ADAM29: variants seen among roughly 807,000 people sequenced by gnomAD.
The protein encoded by ADAM29 is ADAM metallopeptidase domain 29, also known as disintegrin and metalloproteinase domain-containing protein 29.
For missense variants in ADAM29, 969 were observed against 1,001.8 expected (o/e 0.97, Z 0.44); for synonymous variants, 367 against 342.3 (o/e 1.07, Z -0.80).
chr4:174,922,603 C>T (rs1743228377), intron 2 of ADAM29, among the ~76,000 whole-genome samples: 1 of 152,084 alleles, frequency 6.6e-6, no homozygotes. Flanking sequence ...AGGAACCCCA[C>T]CAACTTATCA....
At chr4:174,969,790 TA>T (rs1162851150) in intron 4 of ADAM29, among the ~76,000 whole-genome samples, 5 of 152,076 alleles carry the variant, frequency 3.3e-5, no homozygotes, top group African/African-American at 4.8e-5. Flanking sequence ...GAAATATCAT[TA>T]ATTTATTTAC....
chr4:174,958,043 T>A (rs868473789), intron 4 of ADAM29, among the ~76,000 whole-genome samples: 5 of 151,786 alleles, frequency 3.3e-5, no homozygotes, highest in African/African-American at 1.2e-4. Flanking sequence ...TTTGTATGAT[T>A]TAGATTCTTT....
At chr4:174,962,869 G>A (rs1178036357) in intron 4 of ADAM29, among the ~76,000 whole-genome samples, 1 of 152,154 alleles carries the variant, frequency 6.6e-6, no homozygotes, top group Non-Finnish European at 1.5e-5. Flanking sequence ...GCAATTTAGT[G>A]TTGATAATTG....
intron 4 of ADAM29, among the ~76,000 whole-genome samples, chr4:174,960,988 T>C (rs570690422): frequency 6.4e-4 from 97 of 152,296 alleles, no homozygotes; most frequent in African/African-American, 2.3e-3. Flanking sequence ...GTAGTAACTT[T>C]ACGTTAACTG....
intron 4 of ADAM29, among the ~76,000 whole-genome samples, chr4:174,971,471 G>T (rs1248911581): frequency 6.6e-6 from 1 of 152,016 alleles, no homozygotes; most frequent in Non-Finnish European, 1.5e-5. Context: ...ACTATTAAAG[G>T]CCAGGTATAG....
chr4:174,962,506 C>T (rs551234029), intron 4 of ADAM29, among the ~76,000 whole-genome samples: 204 of 140,396 alleles, frequency 1.5e-3, no homozygotes, highest in African/African-American at 5.2e-3. Flanking sequence ...AGCGAGACTC[C>T]GTCACAAAAA....
chr4:174,971,922 AATG>A (rs1294873639), intron 4 of ADAM29, among the ~76,000 whole-genome samples: 1 of 152,280 alleles, frequency 6.6e-6, no homozygotes, highest in East Asian at 1.9e-4. Context: ...AATCATTTCC[AATG>A]ATATGTTTTC....
At chr4:174,959,930 A>G (rs1374833328) in intron 4 of ADAM29, among the ~76,000 whole-genome samples, 2 of 152,010 alleles carry the variant, frequency 1.3e-5, no homozygotes, top group East Asian at 3.8e-4. Context: ...TATAGAATTC[A>G]GTGTGAAAAC....
intron 4 of ADAM29, among the ~76,000 whole-genome samples, chr4:174,943,165 T>C (rs1478582159): frequency 2.0e-5 from 3 of 152,164 alleles, no homozygotes; most frequent in Non-Finnish European, 4.4e-5. Context: ...ATACCACTAT[T>C]AGCATGTTGA....
chr4:174,974,454 A>G (rs1338194314), intron 4 of ADAM29, among the ~76,000 whole-genome samples: 2 of 152,166 alleles, frequency 1.3e-5, no homozygotes, highest in Non-Finnish European at 2.9e-5. Context: ...CTCTATGTCC[A>G]TGAGTTTTCA....
At chr4:174,927,259 A>G (rs1279488650) in intron 2 of ADAM29, among the ~76,000 whole-genome samples, 1 of 152,206 alleles carries the variant, frequency 6.6e-6, no homozygotes, top group Non-Finnish European at 1.5e-5. Context: ...CTAAAAACTT[A>G]TGTTTACGCA....
intron 4 of ADAM29, among the ~76,000 whole-genome samples, chr4:174,940,769 C>A (rs545639463): frequency 6.6e-6 from 1 of 152,014 alleles, no homozygotes; most frequent in African/African-American, 2.4e-5. Flanking sequence ...ACATTTTCAG[C>A]ATGGTCATGA....
intron 4 of ADAM29, among the ~76,000 whole-genome samples, chr4:174,944,434 A>C: frequency 6.6e-6 from 1 of 152,106 alleles, no homozygotes; most frequent in Non-Finnish European, 1.5e-5. Flanking sequence ...GCATGGGTGG[A>C]ATATTATATT....
At chr4:174,924,599 A>C (rs1243846744) in intron 2 of ADAM29, among the ~76,000 whole-genome samples, 1 of 152,246 alleles carries the variant, frequency 6.6e-6, no homozygotes, top group East Asian at 1.9e-4. Flanking sequence ...AAACTACGAC[A>C]TATCAATACA....
chr4:174,948,177 C>T (rs1477696689), intron 4 of ADAM29, among the ~76,000 whole-genome samples: 1 of 152,128 alleles, frequency 6.6e-6, no homozygotes, highest in Non-Finnish European at 1.5e-5. Flanking sequence ...GCCATTTCAG[C>T]TTGGTTAAGA....
rs779441910 is a variant in ADAM29 at position 174,975,592 on chromosome 4, G to A, written c.67G>A (p.Glu23Lys). Residue 23 changes from glutamate (E) to lysine (K), a missense_variant, in exon 5 of 5, where the codon GAG becomes AAG. Physicochemically the swap from Glu to Lys is moderately conservative, Grantham distance 56. Transcript: ENST00000359240. ...GTCCTGTTCTGGACACATCCAGGAT[G>A]AGCACCCCCAATATCACAGCCCTCC... ...FLSCSGHIQD[E>K]HPQYHSPPDV... The A allele has an allele frequency of 6.3e-6, 10 of 1,596,266 alleles. No individual in the cohort carries two copies. Among genetic ancestry groups the A allele is most frequent in the South Asian group, 2.3e-5 (2 of 87,496 alleles).
At chr4:174,972,693 G>C (rs1482806773) in intron 4 of ADAM29, among the ~76,000 whole-genome samples, 1 of 152,122 alleles carries the variant, frequency 6.6e-6, no homozygotes, top group Non-Finnish European at 1.5e-5. Flanking sequence ...ACCAGCACTA[G>C]CTTCCATCTA....
intron 4 of ADAM29, among the ~76,000 whole-genome samples, chr4:174,960,728 A>G (rs1252612771): frequency 2.6e-5 from 4 of 152,178 alleles, no homozygotes; most frequent in Non-Finnish European, 4.4e-5. Flanking sequence ...AAGTGTAAAC[A>G]TATTTGTTAA....
intron 4 of ADAM29, among the ~76,000 whole-genome samples, chr4:174,945,892 T>C (rs1744820527): frequency 6.6e-6 from 1 of 152,198 alleles, no homozygotes; most frequent in African/African-American, 2.4e-5. Flanking sequence ...TTGGTTACTG[T>C]AGTCTTGTAG....
Sources: gnomAD v4.1 joint callset for allele counts (sites outside exome capture counted in the v4.1 genomes callset) on GRCh38, gnomAD v4.1.1 for gene constraint, MANE v1.5 for transcripts, NCBI Gene and HGNC (gene_info 2026-07-23, HGNC 2026-07-21) for gene names.